The following TOGARAM2 variants were observed in gnomAD, a reference collection of about 807,000 sequenced individuals.
TOGARAM2 encodes the protein TOG array regulator of axonemal microtubules protein 2.
In TOGARAM2, 85 loss-of-function variants were observed where a neutral mutation model predicts 93.3. That is an observed-to-expected ratio of 0.91 (90% CI 0.76 to 1.09). The LOEUF (loss-of-function observed/expected upper bound fraction) is 1.09. TOGARAM2 is among the 50% of genes least tolerant of loss of function. TOGARAM2 has a pLI of 0.00. For missense variants in TOGARAM2, 1,277 were observed against 1,334.5 expected, an observed-to-expected ratio of 0.96 and a Z score of 0.67; for synonymous variants, 593 against 552.8, an observed-to-expected ratio of 1.07 and a Z score of -1.02.
upstream of TOGARAM2, among the ~76,000 whole-genome samples, chr2:28,979,149 G>A (rs1672077131): frequency 6.6e-6 from 1 of 152,130 alleles, no homozygotes; most frequent in South Asian, 2.1e-4. Flanking sequence ...GGCAGCTCCT[G>A]GCTCCCCCAG....
At position 29,026,529 on chromosome 2, in the gene TOGARAM2, A is replaced by G. The variant is rs555965143; in HGVS notation, c.1854-324A>G. Among the ~76,000 whole-genome samples the G allele has an allele frequency of 2.0e-5, 3 of 152,284 alleles. No homozygotes were observed. In the South Asian group the frequency reaches 6.2e-4, roughly 32 times the overall value. The stretch of plus-strand genomic sequence containing the variant: ...GGTTAGGTAGGACTTTTCTAGGTGG[A>G]GGGAAGATGGAGAAGAGTACTTAGA... On this transcript the variant is annotated intron_variant, in intron 13 of 19. Transcript: ENST00000379558.
At chr2:28,988,249 G>A (rs997836462) in intron 1 of TOGARAM2, among the ~76,000 whole-genome samples, 1 of 152,150 alleles carries the variant, frequency 6.6e-6, no homozygotes, top group African/African-American at 2.4e-5. Context: ...GAAAGGAATG[G>A]TTTGGTTCTT....
intron 18 of TOGARAM2, among the ~76,000 whole-genome samples, chr2:29,037,264 G>T (rs979098261): frequency 6.6e-6 from 1 of 152,156 alleles, no homozygotes; most frequent in Non-Finnish European, 1.5e-5. Context: ...GCATCTGCTT[G>T]TGTTTTCTTA....
intron 17 of TOGARAM2, 100 bp downstream of exon 17, chr2:29,035,756 C>T: frequency 8.5e-7 from 1 of 1,172,296 alleles, no homozygotes. Flanking sequence ...TGTCAGACCC[C>T]TTGCTATGCA....
At chr2:29,020,659 A>T (rs1406265721) in intron 10 of TOGARAM2, among the ~76,000 whole-genome samples, 2 of 152,150 alleles carry the variant, frequency 1.3e-5, no homozygotes, top group South Asian at 2.1e-4. Context: ...GGGTGCGGTG[A>T]AGGCGAGGAA....
chr2:28,960,174 T>C (rs1354652241), intron 1 of TOGARAM2, among the ~76,000 whole-genome samples: 1 of 152,236 alleles, frequency 6.6e-6, no homozygotes, highest in Non-Finnish European at 1.5e-5. Context: ...TTTCTTCATC[T>C]GTATTTGTGT....
chr2:28,994,190 G>A (rs979354710), intron 1 of TOGARAM2, among the ~76,000 whole-genome samples: 10 of 152,164 alleles, frequency 6.6e-5, no homozygotes, highest in Admixed American at 2.0e-4. Context: ...GGTGGCTGAG[G>A]GGGGTCACAG....
chr2:29,025,000 C>CA (rs1166730941), intron 13 of TOGARAM2, among the ~76,000 whole-genome samples: 2 of 152,176 alleles, frequency 1.3e-5, no homozygotes, highest in African/African-American at 4.8e-5. Context: ...AAAGCAAAAC[C>CA]AAAAGCATTT....
At chr2:29,001,421 C>G (rs758538912) in intron 4 of TOGARAM2, among the ~76,000 whole-genome samples, 1 of 151,950 alleles carries the variant, frequency 6.6e-6, no homozygotes, top group Non-Finnish European at 1.5e-5. Flanking sequence ...TGGCTCACTG[C>G]AACCTCTGGG....
intron 2 of TOGARAM2, among the ~76,000 whole-genome samples, 153 bp from the exon 3 acceptor site, chr2:28,997,990 G>A (rs563498366): frequency 2.0e-5 from 3 of 152,318 alleles, no homozygotes; most frequent in Admixed American, 1.3e-4. Context: ...CCAGGCTCTG[G>A]TGTTGGGGGT....
In TOGARAM2 at chr2:29,036,766, C is replaced by T. The variant is rs746732936; in HGVS notation, c.2635+9C>T. ...GATGGTTGAGAGCCTGGGTGAGTGTCCCACGTGGGCCTGTGTGGCTCTGGT... is the reference window on the plus strand; with the variant it reads ...GATGGTTGAGAGCCTGGGTGAGTGTTCCACGTGGGCCTGTGTGGCTCTGGT... On this transcript the variant is annotated intron_variant, in intron 18 of 19. Transcript: ENST00000379558. 127 of 1,608,458 alleles carry T rather than the reference C, an allele frequency of 7.9e-5. No homozygotes were observed. Among genetic ancestry groups the T allele is most frequent in the Non-Finnish European group, 9.8e-5 (115 of 1,177,274 alleles).
intron 14 of TOGARAM2, among the ~76,000 whole-genome samples, chr2:29,032,233 C>A (rs963018130): frequency 2.0e-5 from 3 of 152,218 alleles, no homozygotes; most frequent in Non-Finnish European, 2.9e-5. Flanking sequence ...TCTCCTCTGG[C>A]CTGTCTGCTT....
chr2:28,988,073 G>T (rs1044270081), intron 1 of TOGARAM2, among the ~76,000 whole-genome samples: 1 of 152,190 alleles, frequency 6.6e-6, no homozygotes, highest in Middle Eastern at 3.2e-3. Flanking sequence ...TGCAGGTGGA[G>T]CCATCCAGGC....
At chr2:29,029,622 G>A (rs375985768) in intron 14 of TOGARAM2, among the ~76,000 whole-genome samples, 21,078 of 139,888 alleles carry the variant, frequency 0.15, 2,314 homozygotes, top group South Asian at 0.21. Flanking sequence ...CAGGTGTGGT[G>A]GCGGGTGCCT....
At chr2:29,011,678 G>A (rs761548332) in intron 7 of TOGARAM2, among the ~76,000 whole-genome samples, 177 bp downstream of exon 7, 6 of 152,330 alleles carry the variant, frequency 3.9e-5, no homozygotes, top group East Asian at 3.9e-4. Flanking sequence ...CAGCGGGCCC[G>A]GGCGAGGTGT....
chr2:28,995,917 G>T (rs182855887), intron 2 of TOGARAM2, among the ~76,000 whole-genome samples: 1 of 152,234 alleles, frequency 6.6e-6, no homozygotes, highest in African/African-American at 2.4e-5. Context: ...GCTGAGCCAG[G>T]AGGGTGTGGG....
rs1488153495 is a variant in TOGARAM2 at position 29,018,056 on chromosome 2, C to T, written c.1360+100C>T. The T allele has an allele frequency of 3.7e-6, 5 of 1,358,872 alleles. No individual in the cohort carries two copies. The East Asian group carries it at 1.0e-4, about 28-fold the overall frequency. 84.2% of individuals were successfully genotyped at this position (1,358,872 alleles called of 1,614,324 possible). A position where few individuals can be genotyped will look rare whatever the true frequency, so the allele number is the denominator to read the frequency against. ...GGTGACCTCGGTGGCTTTGCTTCCG[C>T]CCCTTGTCCATGTTAGACCAGGAGG... is the stretch of plus-strand genomic sequence containing the variant. On this transcript the variant is annotated intron_variant, in intron 10 of 19. Coordinates refer to ENST00000379558, the MANE Select transcript of TOGARAM2 (RefSeq NM_199280.4).
chr2:28,999,539 T>G (rs1558414659), intron 4 of TOGARAM2, 71 bp downstream of exon 4: 1 of 1,477,460 alleles, frequency 6.8e-7, no homozygotes, highest in South Asian at 1.4e-5. Flanking sequence ...TCCAGGGCTG[T>G]GAGGGTCAGC....
chr2:28,991,360 G>A (rs1405553770), intron 1 of TOGARAM2, among the ~76,000 whole-genome samples: 1 of 152,102 alleles, frequency 6.6e-6, no homozygotes, highest in Non-Finnish European at 1.5e-5. Flanking sequence ...TAGATCTGAG[G>A]CCTCTCTTCC....
Sources: allele counts gnomAD v4.1 joint callset (sites outside exome capture counted in the v4.1 genomes callset), GRCh38; gene constraint gnomAD v4.1.1; transcripts MANE v1.5; gene names NCBI Gene and HGNC (gene_info 2026-07-23, HGNC 2026-07-21).